Variants in BPIFA3 observed in about 807,000 individuals in gnomAD.
The protein encoded by BPIFA3 is BPI fold containing family A member 3.
In BPIFA3, 32 loss-of-function variants were observed where a neutral mutation model predicts 29.7. The observed-to-expected ratio is 1.08, with a 90% CI of 0.81 to 1.45. BPIFA3 has a LOEUF of 1.45. Among genes scored for constraint, BPIFA3 ranks in the 40% most tolerant of loss-of-function variants. The pLI, the probability that BPIFA3 is intolerant of heterozygous loss-of-function variation, is 0.00. For missense variants in BPIFA3, 323 were observed against 311.3 expected (o/e 1.04, Z -0.28); for synonymous variants, 112 against 113.7 (o/e 0.98, Z 0.10).
chr20:33,224,354 G>A lies in BPIFA3; in HGVS notation c.279-1G>A, dbSNP rs531149659. On this transcript the variant is annotated splice_acceptor_variant, in intron 2 of 6. Transcript: ENST00000375454. LOFTEE classifies it high-confidence loss of function. ...GGGGCCTCTGCTCTTTCCTTGTGCA[G>A]CATCAACATCACCAACATTCAGCTG... 6.8e-6 allele frequency: 11 copies of A among 1,613,314 alleles called. No homozygotes were observed. The highest frequency in any genetic ancestry group is 8.5e-6 in the Non-Finnish European group (10 of 1,179,384).
In BPIFA3 at chr20:33,224,491, G is replaced by A. The variant is rs773138659; in HGVS notation, c.386+29G>A. The A allele has an allele frequency of 2.6e-6, 4 of 1,545,942 alleles. No homozygotes were observed. The South Asian group carries it at 3.4e-5, about 13-fold the overall frequency. On this transcript the variant is annotated intron_variant, in intron 3 of 6. Transcript: ENST00000375454. ...AGTCATACAGAAGCAGAATCTGAGA[G>A]GTGCTGGCCCTCCTCGCAGGGAACC... is the stretch of plus-strand genomic sequence containing the variant.
chr20:33,221,709 T>C (rs537869592), intron 1 of BPIFA3, among the ~76,000 whole-genome samples: 1 of 152,286 alleles, frequency 6.6e-6, no homozygotes, highest in South Asian at 2.1e-4. Flanking sequence ...TCATCATTTT[T>C]ATTTGTTAAG....
chr20:33,224,852 A>G (rs1985701385), intron 3 of BPIFA3, among the ~76,000 whole-genome samples: 1 of 152,202 alleles, frequency 6.6e-6, no homozygotes. Flanking sequence ...TTTGAAACAG[A>G]GATTAACTCT....
At chr20:33,226,058 C>T (rs1985764750) in intron 4 of BPIFA3, 1 of 211,392 alleles carries the variant, frequency 4.7e-6, no homozygotes, top group Non-Finnish European at 9.2e-6. Flanking sequence ...CTCTGTAATT[C>T]CGGAATGCTG....
chr20:33,217,705 G>A, intron 1 of BPIFA3, 42 bp downstream of exon 1: 1 of 1,582,622 alleles, frequency 6.3e-7, no homozygotes, highest in Non-Finnish European at 8.6e-7. Context: ...TACGGGGCTG[G>A]GGAGGTGGGA....
At chr20:33,222,673 T>G in intron 1 of BPIFA3, among the ~76,000 whole-genome samples, 5 of 137,920 alleles carry the variant, frequency 3.6e-5, no homozygotes, top group Non-Finnish European at 6.0e-5. Flanking sequence ...GATGGATGAG[T>G]GGATGGATGG....
chr20:33,226,392 A>G lies in BPIFA3; in HGVS notation c.537-14A>G. ...TTGCTCTGTTCTGTTCTGTGCCTCT[A>G]CCTTTCTTTCTAGGGCTATCCCACC... On this transcript the variant is annotated splice_polypyrimidine_tract_variant and intron_variant, in intron 4 of 6. Coordinates refer to ENST00000375454, the MANE Select transcript of BPIFA3 (RefSeq NM_178466.5). 2 of 1,593,870 alleles carry G rather than the reference A, an allele frequency of 1.3e-6. No homozygotes were observed. Among genetic ancestry groups the G allele is most frequent in the Admixed American group, 1.7e-5 (1 of 59,804 alleles).
chr20:33,223,700 C>A, intron 1 of BPIFA3, 111 bp from the exon 2 acceptor site: 2 of 1,194,946 alleles, frequency 1.7e-6, no homozygotes, highest in Non-Finnish European at 2.4e-6. Flanking sequence ...ACATGCACCA[C>A]TCACTAAGCA....
rs552835014 is a variant in BPIFA3 at position 33,217,775 on chromosome 20, T to A, written c.127+112T>A. 4 of 1,324,416 alleles carry A rather than the reference T, an allele frequency of 3.0e-6. No individual in the cohort carries two copies. In the Admixed American group the frequency reaches 1.2e-4, roughly 41 times the overall value. 82.0% of individuals were successfully genotyped at this position (1,324,416 alleles called of 1,614,324 possible). On this transcript the variant is annotated intron_variant, in intron 1 of 6. Transcript: ENST00000375454. ...GTGACTTCAGGTTAGTCACTTTCCC[T>A]CTTCTCTTTTTCTTAGACCTCAAGT...
intron 1 of BPIFA3, among the ~76,000 whole-genome samples, chr20:33,220,707 A>C (rs1445607604): frequency 6.6e-6 from 1 of 152,242 alleles, no homozygotes; most frequent in Non-Finnish European, 1.5e-5. Context: ...GATATTCAAA[A>C]GCCTTGCTGA....
At position 33,217,464 on chromosome 20, in the gene BPIFA3, C is replaced by T. The variant is rs867168630; in HGVS notation, c.-73C>T. The T allele has an allele frequency of 6.4e-7, 1 of 1,560,320 alleles. No individual in the cohort carries two copies. The highest frequency in any genetic ancestry group is 2.3e-5 in the East Asian group (1 of 43,982). On this transcript the variant is annotated 5_prime_UTR_variant, in exon 1 of 7. Transcript: ENST00000375454. ...TGCAGAAAACCATTAGACCATCCCT[C>T]CAGACTGCCACCCTCAAAGCCGTCT...
At chr20:33,222,080 A>G (rs952570802) in intron 1 of BPIFA3, among the ~76,000 whole-genome samples, 2 of 152,256 alleles carry the variant, frequency 1.3e-5, no homozygotes, top group Admixed American at 1.3e-4. Flanking sequence ...GCTGCAGGCA[A>G]CAGAAAACCC....
chr20:33,224,867 G>C (rs1326330803), intron 3 of BPIFA3, among the ~76,000 whole-genome samples: 1 of 152,132 alleles, frequency 6.6e-6, no homozygotes, highest in Non-Finnish European at 1.5e-5. Flanking sequence ...AACTCTCAAC[G>C]TTTGAATTTC....
chr20:33,219,120 G>A (rs1475264697), intron 1 of BPIFA3, among the ~76,000 whole-genome samples: 1 of 152,102 alleles, frequency 6.6e-6, no homozygotes, highest in Non-Finnish European at 1.5e-5. Flanking sequence ...TGGCCAGGCG[G>A]TCTCGAACCC....
chr20:33,226,980 G>A lies in BPIFA3; in HGVS notation c.672G>A (p.Leu224=). ...TCGGGCAGCTGGATGTGAAACTGTT[G>A]AAAAGCCTCATAGGTGAGTGTCTGG... The part of the protein sequence containing the change: ...EILGQLDVKL[L]KSLIEQEAAH... Residue 224 remains leucine, a synonymous_variant, in exon 6 of 7, where the codon TTG becomes TTA. Transcript: ENST00000375454. The A allele has an allele frequency of 6.2e-7, 1 of 1,613,970 alleles. No homozygotes were observed. Among genetic ancestry groups the A allele is most frequent in the African/African-American group, 1.3e-5 (1 of 75,046 alleles).
At chr20:33,222,992 G>A (rs903197469) in intron 1 of BPIFA3, among the ~76,000 whole-genome samples, 6 of 152,154 alleles carry the variant, frequency 3.9e-5, no homozygotes, top group Admixed American at 6.5e-5. Context: ...ACCCTGTGAG[G>A]TACTGCCCCT....
Position 33,227,704 on chromosome 20 carries a change from C to G in BPIFA3, c.*87C>G. ...TTCTGCTACCCTAAAAACTTTACCC[C>G]AGGCTCTGTGGACATACCATCCTCT... On this transcript the variant is annotated 3_prime_UTR_variant, in exon 7 of 7. Transcript: ENST00000375454. The G allele has an allele frequency of 8.6e-7, 1 of 1,160,508 alleles. No homozygotes were observed. Among genetic ancestry groups the G allele is most frequent in the South Asian group, 1.3e-5 (1 of 77,408 alleles). The allele number at this position is 1,160,508 out of a possible 1,614,324, so 71.9% of individuals were successfully genotyped here. A position where few individuals can be genotyped will look rare whatever the true frequency, so the allele number is the denominator to read the frequency against.
Position 33,223,611 on chromosome 20 carries a change from T to A in BPIFA3, c.128-200T>A. ...TTGCCTGCCACACCCTCTGCAGGTG[T>A]TTTTCTTTATTTCTCACATCAATCT... On this transcript the variant is annotated intron_variant, in intron 1 of 6. Coordinates refer to ENST00000375454, the MANE Select transcript of BPIFA3 (RefSeq NM_178466.5). 7.0e-6 allele frequency: 4 copies of A among 570,294 alleles called. No individual in the cohort carries two copies. The East Asian group carries it at 1.2e-4, about 17-fold the overall frequency. The allele number at this position is 570,294 out of a possible 1,614,324, so 35.3% of individuals were successfully genotyped here.
chr20:33,227,687 C>A lies in BPIFA3; in HGVS notation c.*70C>A. On this transcript the variant is annotated 3_prime_UTR_variant, in exon 7 of 7. Transcript: ENST00000375454. ...CTCCCTTAGAGTGGGGCTTCTGCTA[C>A]CCTAAAAACTTTACCCCAGGCTCTG... The A allele has an allele frequency of 1.5e-6, 2 of 1,372,210 alleles. No homozygotes were observed. Among genetic ancestry groups the A allele is most frequent in the Non-Finnish European group, 2.1e-6 (2 of 965,992 alleles). The allele number at this position is 1,372,210 out of a possible 1,614,324, so 85.0% of individuals were successfully genotyped here. A position where few individuals can be genotyped will look rare whatever the true frequency, so the allele number is the denominator to read the frequency against.
Sources: allele counts gnomAD v4.1 joint callset (sites outside exome capture counted in the v4.1 genomes callset), GRCh38; gene constraint gnomAD v4.1.1; transcripts MANE v1.5; gene names NCBI Gene and HGNC (gene_info 2026-07-23, HGNC 2026-07-21).